Variants in NR2F2 observed in about 807,000 individuals in gnomAD.
NR2F2 encodes the protein COUP transcription factor 2.
Under a neutral mutation model 34.8 loss-of-function variants are expected in NR2F2, and 2 were observed. The ratio of observed to expected loss-of-function variants is 0.06; its 90% CI spans 0.02 to 0.18. The LOEUF (loss-of-function observed/expected upper bound fraction) is 0.18. NR2F2 is among the 10% of genes least tolerant of loss of function. The pLI is 1.00. For synonymous variants in NR2F2, 274 were observed against 251.8 expected (o/e 1.09, Z -0.84); for missense variants, 300 against 580.1 (o/e 0.52, Z 4.96).
intron 1 of NR2F2, 139 bp downstream of exon 1, chr15:96,332,686 G>A: frequency 6.9e-7 from 1 of 1,443,258 alleles, no homozygotes; most frequent in Non-Finnish European, 9.1e-7. Context: ...TATACTAGAA[G>A]CGAGTTCTGC....
At position 96,334,404 on chromosome 15, in the gene NR2F2, G is replaced by A. The variant is rs764406477; in HGVS notation, c.771G>A (p.Ala257=). 1 of 1,614,068 alleles carries A rather than the reference G, an allele frequency of 6.2e-7. No individual in the cohort carries two copies. The highest frequency in any genetic ancestry group is 1.1e-5 in the South Asian group (1 of 91,074). Residue 257 remains alanine, a synonymous_variant, in exon 2 of 3, where the codon GCG becomes GCA. Transcript: ENST00000394166. ...GGAGCGAGCTGTTTGTGTTGAATGC[G>A]GCGCAGTGCTCCATGCCCCTCCACG... ...LTWSELFVLN[A]AQCSMPLHVA...
At chr15:96,333,564 G>A in intron 1 of NR2F2, 1 of 1,014,382 alleles carries the variant, frequency 9.9e-7, no homozygotes, top group Non-Finnish European at 1.2e-6. Context: ...CTCTCACTGG[G>A]GGGGTTCCCC....
chr15:96,330,960 C>T lies in NR2F2; in HGVS notation c.-1146C>T. ...CCCTCTGCGCACGAAGGATGTGCTT[C>T]TAGGTGGTGATCTGCCCTCCTCTCT... On this transcript the variant is annotated 5_prime_UTR_variant, in exon 1 of 3. Coordinates refer to ENST00000394166, the MANE Select transcript of NR2F2 (RefSeq NM_021005.4). The T allele has an allele frequency of 8.5e-7, 1 of 1,172,298 alleles. No homozygotes were observed. The highest frequency in any genetic ancestry group is 1.1e-6 in the Non-Finnish European group (1 of 948,422). 72.6% of individuals were successfully genotyped at this position (1,172,298 alleles called of 1,614,324 possible).
chr15:96,337,298 TCTTC>T (rs1329227031), intron 2 of NR2F2, 46 bp from the exon 3 acceptor site: 3 of 1,583,250 alleles, frequency 1.9e-6, no homozygotes, highest in Non-Finnish European at 2.6e-6. Flanking sequence ...TTCTTCTTCT[TCTTC>T]TTCTTTTTCT....
chr15:96,332,155 G>A lies in NR2F2; in HGVS notation c.50G>A (p.Gly17Asp). ...TWRDPQDEVP[G>D]SQGSQASQAP... ...CGCGACCCCCAGGACGAGGTGCCCG[G>A]CTCACAGGGCAGCCAGGCCTCGCAG... Residue 17 changes from glycine (G) to aspartate (D), a missense_variant, in exon 1 of 3, where the codon GGC becomes GAC. This residue lies in a region of NR2F2 where 105 missense variants were observed against 107.8 expected (regional missense o/e 0.97). Coordinates refer to ENST00000394166, the MANE Select transcript of NR2F2 (RefSeq NM_021005.4). 2.2e-6 allele frequency: 3 copies of A among 1,353,182 alleles called. No homozygotes were observed. Among genetic ancestry groups the A allele is most frequent in the Non-Finnish European group, 2.8e-6 (3 of 1,052,916 alleles). 83.8% of individuals were successfully genotyped at this position (1,353,182 alleles called of 1,614,324 possible). A position where few individuals can be genotyped will look rare whatever the true frequency, so the allele number is the denominator to read the frequency against.
Position 96,335,246 on chromosome 15 carries a change from TG to T in NR2F2, c.970+644del, listed in dbSNP as rs567407859. Among the ~76,000 whole-genome samples the T allele has an allele frequency of 4.9e-3, 752 of 152,374 alleles. 11 individuals are homozygous for T. The highest frequency in any genetic ancestry group is 0.017 in the African/African-American group (703 of 41,586). ...CAGGAGGTTGAAGACTCTGGCCTCTTGCTTCCCCTGCCCAAGCAAACACTTA... is the reference window on the plus strand; with the variant it reads ...CAGGAGGTTGAAGACTCTGGCCTCTTCTTCCCCTGCCCAAGCAAACACTTA... On this transcript the variant is annotated intron_variant, in intron 2 of 2. Transcript: ENST00000394166.
At chr15:96,337,156 C>T (rs1285566149) in intron 2 of NR2F2, among the ~76,000 whole-genome samples, 192 bp from the exon 3 acceptor site, 1 of 151,946 alleles carries the variant, frequency 6.6e-6, no homozygotes, top group Non-Finnish European at 1.5e-5. Flanking sequence ...CTTCCCCCAC[C>T]CCGCCTCCCC....
At chr15:96,326,709 G>T (rs1235303600), upstream of NR2F2, among the ~76,000 whole-genome samples, 1 of 152,144 alleles carries the variant, frequency 6.6e-6, no homozygotes, top group East Asian at 1.9e-4. The surrounding 1 kb of genome is among the most constrained non-coding windows in gnomAD (Gnocchi z 5.5). Context: ...CTAAAAACCA[G>T]TCCTATAAAG....
chr15:96,326,345 T>C (rs762322413), upstream of NR2F2: 14 of 1,613,000 alleles, frequency 8.7e-6, no homozygotes, highest in South Asian at 1.4e-4. The surrounding 1 kb of genome is among the most constrained non-coding windows in gnomAD (Gnocchi z 5.5). Context: ...AAGGCAAATA[T>C]GGTTTTGGTA....
chr15:96,332,610 AG>A, intron 1 of NR2F2, 63 bp downstream of exon 1: 1 of 1,576,400 alleles, frequency 6.3e-7, no homozygotes, highest in Non-Finnish European at 8.7e-7. Flanking sequence ...ACGTTTGGCT[AG>A]CCTGCTCTGG....
chr15:96,333,577 CGGGCTG>C (rs909325570), intron 1 of NR2F2: 123 of 1,014,164 alleles, frequency 1.2e-4, no homozygotes, highest in South Asian at 2.1e-4. Context: ...GGTTCCCCGC[CGGGCTG>C]GGGCTGGGGC....
In NR2F2 at chr15:96,339,647, AAAG is replaced by A. The variant is rs1899441801; in HGVS notation, c.*2029_*2031del. Reference sequence around the variant, plus strand: ...AAGAGAAAGCAGGACAGAGAAAAAGAAAGAAGGAAGGAGGGAAACTTTACAGGG... The same window carrying A: ...AAGAGAAAGCAGGACAGAGAAAAAGAAAGGAAGGAGGGAAACTTTACAGGG... On this transcript the variant is annotated 3_prime_UTR_variant, in exon 3 of 3. Transcript: ENST00000394166. 6.7e-6 allele frequency: 1 copy of A among 150,280 alleles called. No homozygotes were observed. Among genetic ancestry groups the A allele is most frequent in the African/African-American group, 2.5e-5 (1 of 39,588 alleles). The allele number at this position is 150,280 out of a possible 1,614,324, so 9.3% of individuals were successfully genotyped here. A position where few individuals can be genotyped will look rare whatever the true frequency, so the allele number is the denominator to read the frequency against.
In NR2F2 at chr15:96,333,979, T is replaced by C. The variant is rs1160112773; in HGVS notation, c.443-97T>C. 1.1e-5 allele frequency: 17 copies of C among 1,536,718 alleles called. No homozygotes were observed. In the Admixed American group the frequency reaches 2.9e-4, roughly 26 times the overall value. On this transcript the variant is annotated intron_variant, in intron 1 of 2. Coordinates refer to ENST00000394166, the MANE Select transcript of NR2F2 (RefSeq NM_021005.4). The stretch of plus-strand genomic sequence containing the variant: ...CCTGGTTCTTGCGCTGCTCAGGGCC[T>C]GGGTCAGGTGGGGGTCGGGCTGGGG...
chr15:96,328,897 A>G (rs564503347), upstream of NR2F2, among the ~76,000 whole-genome samples: 4 of 152,202 alleles, frequency 2.6e-5, no homozygotes, highest in African/African-American at 9.6e-5. Flanking sequence ...TTCCTTTCCT[A>G]AAAACCAGCC....
In NR2F2 at chr15:96,330,805, G is replaced by GGTGT. The variant is rs1016972118; in HGVS notation, c.-1293_-1290dup. On this transcript the variant is annotated 5_prime_UTR_variant, in exon 1 of 3. Transcript: ENST00000394166. Reference sequence around the variant, plus strand: ...TGATTCTCTGTTCTTTTCTCTCCGCGGTGTGTGTGTGCGTGCGCGCGTGTG... The same window carrying GGTGT: ...TGATTCTCTGTTCTTTTCTCTCCGCGGTGTGTGTGTGTGTGCGTGCGCGCGTGTG... 4 of 1,038,690 alleles carry GGTGT rather than the reference G, an allele frequency of 3.9e-6. No homozygotes were observed. Among genetic ancestry groups the GGTGT allele is most frequent in the African/African-American group, 1.7e-5 (1 of 59,062 alleles). The allele number at this position is 1,038,690 out of a possible 1,614,324, so 64.3% of individuals were successfully genotyped here.
At position 96,332,203 on chromosome 15, in the gene NR2F2, C is replaced by A; in HGVS notation, c.98C>A (p.Pro33Gln). The change falls in exon 1 of 3, where the codon CCG becomes CAG. Residue 33 changes from proline to glutamine, a missense_variant. Physicochemically the swap from Pro to Gln is moderately conservative, Grantham distance 76. Transcript: ENST00000394166. ...CAGGCGCCGCCCGTGCCCGGCCCGCCGCCCGGCGCCCCGCACACGCCACAG... is the reference window on the plus strand; with the variant it reads ...CAGGCGCCGCCCGTGCCCGGCCCGCAGCCCGGCGCCCCGCACACGCCACAG... ...ASQAPPVPGP[P>Q]PGAPHTPQTP... 3 of 1,339,716 alleles carry A rather than the reference C, an allele frequency of 2.2e-6. No homozygotes were observed. The highest frequency in any genetic ancestry group is 2.0e-5 in the South Asian group (1 of 48,962). The allele number at this position is 1,339,716 out of a possible 1,614,324, so 83.0% of individuals were successfully genotyped here.
chr15:96,332,459 C>G lies in NR2F2; in HGVS notation c.354C>G (p.Asn118Lys). ...ACCTGAGCTACACGTGCCGCGCCAA[C>G]CGGAACTGTCCCATCGACCAGCACC... is the stretch of plus-strand genomic sequence containing the variant. ...RRNLSYTCRA[N>K]RNCPIDQHHR... is the part of the protein sequence containing the mutation. Residue 118 changes from asparagine to lysine, a missense_variant, in exon 1 of 3, where the codon AAC (asparagine) becomes AAG (lysine). Asn to Lys is a moderately conservative substitution (Grantham distance 94). Transcript: ENST00000394166. The G allele has an allele frequency of 6.2e-7, 1 of 1,614,224 alleles. No homozygotes were observed. Among genetic ancestry groups the G allele is most frequent in the Non-Finnish European group, 8.5e-7 (1 of 1,180,046 alleles).
At position 96,333,788 on chromosome 15, in the gene NR2F2, C is replaced by T; in HGVS notation, c.443-288C>T. On this transcript the variant is annotated intron_variant, in intron 1 of 2. Coordinates refer to ENST00000394166, the MANE Select transcript of NR2F2 (RefSeq NM_021005.4). ...TCAGAATGCTACATCCCGCCCACAG[C>T]GCCGGGGACCCCGAGGCAAGGTGGC... 5.1e-6 allele frequency: 7 copies of T among 1,385,994 alleles called. 1 individual carries two copies. The South Asian group carries it at 7.6e-5, about 15-fold the overall frequency. The allele number at this position is 1,385,994 out of a possible 1,614,324, so 85.9% of individuals were successfully genotyped here. A position where few individuals can be genotyped will look rare whatever the true frequency, so the allele number is the denominator to read the frequency against.
At chr15:96,334,857 C>T (rs1034227645) in intron 2 of NR2F2, among the ~76,000 whole-genome samples, 2 of 152,280 alleles carry the variant, frequency 1.3e-5, no homozygotes, top group African/African-American at 4.8e-5. Context: ...GCCTCTGCTG[C>T]CTGTTTCCCC....
Sources: allele counts gnomAD v4.1 joint callset (sites outside exome capture counted in the v4.1 genomes callset), GRCh38; gene constraint gnomAD v4.1.1; regional missense constraint gnomAD v4.1.1; non-coding constraint Gnocchi (gnomAD v3.1); transcripts MANE v1.5; gene names NCBI Gene and HGNC (gene_info 2026-07-23, HGNC 2026-07-21).